MLIP: variants seen among roughly 807,000 people sequenced by gnomAD.
The protein encoded by MLIP is muscular LMNA-interacting protein.
Under a neutral mutation model 84.8 loss-of-function variants are expected in MLIP, and 79 were observed. The observed-to-expected ratio is 0.93, with a 90% CI of 0.78 to 1.12. The LOEUF (loss-of-function observed/expected upper bound fraction) is 1.12. Among genes scored for constraint, MLIP ranks in the 50% most tolerant of loss-of-function variants. The pLI, the probability that MLIP is intolerant of heterozygous loss-of-function variation, is 0.00. For missense variants in MLIP, 1,257 were observed against 1,160.6 expected, an observed-to-expected ratio of 1.08 and a Z score of -1.21; for synonymous variants, 504 against 463.0, an observed-to-expected ratio of 1.09 and a Z score of -1.14.
chr6:54,236,677 T>A (rs916471808), intron 12 of MLIP, among the ~76,000 whole-genome samples: 2 of 151,312 alleles, frequency 1.3e-5, no homozygotes, highest in African/African-American at 4.9e-5. Flanking sequence ...TGTGTTTTGT[T>A]GGTAATTTTG....
chr6:54,097,020 C>T (rs977607199), intron 1 of MLIP, among the ~76,000 whole-genome samples: 2 of 152,060 alleles, frequency 1.3e-5, no homozygotes, highest in Non-Finnish European at 2.9e-5. Flanking sequence ...GCAAGTAGTG[C>T]GGCTGTGAGG....
At chr6:54,261,502 C>G (rs1176345240) in intron 13 of MLIP, 1 of 841,960 alleles carries the variant, frequency 1.2e-6, no homozygotes, top group Non-Finnish European at 1.4e-6. Flanking sequence ...TTTTCTTATT[C>G]CTTCTCTTTG....
chr6:54,071,117 A>T (rs1396411783), intron 1 of MLIP, among the ~76,000 whole-genome samples: 2 of 152,138 alleles, frequency 1.3e-5, no homozygotes, highest in Non-Finnish European at 2.9e-5. Context: ...AGGTATTTGC[A>T]TTTTTAAAAA....
chr6:54,080,122 A>G (rs1246634668), intron 1 of MLIP, among the ~76,000 whole-genome samples: 3 of 152,140 alleles, frequency 2.0e-5, no homozygotes, highest in Non-Finnish European at 4.4e-5. Context: ...CTCCTTCCCC[A>G]GAACTTTTCC....
chr6:54,057,624 C>A (rs147889302), intron 1 of MLIP, among the ~76,000 whole-genome samples: 1 of 152,118 alleles, frequency 6.6e-6, no homozygotes, highest in Non-Finnish European at 1.5e-5. Context: ...AAATACTAAT[C>A]GATTTCTGCT....
chr6:54,145,801 A>G (rs1301916591), intron 4 of MLIP, among the ~76,000 whole-genome samples: 1 of 151,384 alleles, frequency 6.6e-6, no homozygotes, highest in Non-Finnish European at 1.5e-5. Context: ...CCACAAAAAA[A>G]AAAAGAAAAA....
chr6:54,200,448 A>C (rs1280455429), intron 10 of MLIP, among the ~76,000 whole-genome samples: 1 of 150,454 alleles, frequency 6.6e-6, no homozygotes, highest in Non-Finnish European at 1.5e-5. Context: ...AGAAGGAGAA[A>C]GTGCAGGAAG....
chr6:54,034,085 A>G (rs545654333), intron 1 of MLIP, among the ~76,000 whole-genome samples: 3 of 152,340 alleles, frequency 2.0e-5, no homozygotes, highest in African/African-American at 7.2e-5. Flanking sequence ...CTGTCTTGCC[A>G]AAATTTTGAC....
intron 1 of MLIP, among the ~76,000 whole-genome samples, chr6:54,081,535 A>G (rs1767151192): frequency 6.6e-6 from 1 of 152,044 alleles, no homozygotes; most frequent in Admixed American, 6.5e-5. Context: ...AGCCTCCCGA[A>G]GTAGCTGGGA....
chr6:54,260,554 C>CAAAT (rs1783315228), intron 13 of MLIP, among the ~76,000 whole-genome samples: 1 of 151,906 alleles, frequency 6.6e-6, no homozygotes, highest in Non-Finnish European at 1.5e-5. Context: ...GAAGGCCAAT[C>CAAAT]AAATAAATCC....
intron 3 of MLIP, among the ~76,000 whole-genome samples, chr6:54,129,169 G>C (rs1291152854): frequency 1.3e-5 from 2 of 152,046 alleles, no homozygotes; most frequent in Non-Finnish European, 2.9e-5. Flanking sequence ...AGGGATTACA[G>C]TAAGTTATTT....
intron 11 of MLIP, among the ~76,000 whole-genome samples, chr6:54,220,599 C>T (rs1780152073): frequency 6.6e-6 from 1 of 151,904 alleles, no homozygotes; most frequent in South Asian, 2.1e-4. Flanking sequence ...CAATTACTCC[C>T]AATATGGGAG....
At chr6:54,049,210 A>G (rs1393420159) in intron 1 of MLIP, among the ~76,000 whole-genome samples, 1 of 152,178 alleles carries the variant, frequency 6.6e-6, no homozygotes, top group Non-Finnish European at 1.5e-5. Flanking sequence ...GTGTAAAGCT[A>G]ATCTCTGTGG....
intron 1 of MLIP, among the ~76,000 whole-genome samples, chr6:54,080,144 CCT>C (rs1409092640): frequency 6.6e-6 from 1 of 152,144 alleles, no homozygotes; most frequent in Non-Finnish European, 1.5e-5. Context: ...CTGGGTCCCT[CCT>C]CTCTTCATTC....
At chr6:54,045,035 T>C (rs991012) in intron 1 of MLIP, among the ~76,000 whole-genome samples, 150,525 of 152,278 alleles carry the variant, frequency 0.99, 74,422 homozygotes, top group East Asian at 1. Flanking sequence ...TGTTATGATA[T>C]CTCTTCCTTC....
chr6:54,115,834 G>T (rs548170764), intron 1 of MLIP, among the ~76,000 whole-genome samples: 1 of 152,242 alleles, frequency 6.6e-6, no homozygotes, highest in African/African-American at 2.4e-5. Flanking sequence ...TTACTTCCAG[G>T]CCCATTGGTG....
At chr6:54,242,924 C>T (rs1284299222) in intron 12 of MLIP, among the ~76,000 whole-genome samples, 2 of 152,096 alleles carry the variant, frequency 1.3e-5, no homozygotes, top group South Asian at 2.1e-4. Context: ...ACTCAGGAGT[C>T]TGGAAGTTGA....
At chr6:54,225,252 T>C (rs1263699049) in intron 11 of MLIP, among the ~76,000 whole-genome samples, 2 of 152,284 alleles carry the variant, frequency 1.3e-5, no homozygotes, top group East Asian at 3.9e-4. Flanking sequence ...CTAGATGGTA[T>C]AGCCTACTAC....
intron 11 of MLIP, among the ~76,000 whole-genome samples, chr6:54,208,762 T>A (rs893011801): frequency 6.6e-6 from 1 of 152,212 alleles, no homozygotes; most frequent in Non-Finnish European, 1.5e-5. Flanking sequence ...TTAAAGGCAT[T>A]TTTATTTGCC....
Sources: gnomAD v4.1 joint callset for allele counts (sites outside exome capture counted in the v4.1 genomes callset) on GRCh38, gnomAD v4.1.1 for gene constraint, MANE v1.5 for transcripts, NCBI Gene and HGNC (gene_info 2026-07-23, HGNC 2026-07-21) for gene names.